Variants in CIDEA observed in about 807,000 individuals in gnomAD.
CIDEA encodes the protein cell death inducing DFFA like effector a.
Under a neutral mutation model 18.2 loss-of-function variants are expected in CIDEA, and 10 were observed. That is an observed-to-expected ratio of 0.55 (90% confidence interval 0.34 to 0.93). CIDEA has a LOEUF of 0.93. Among genes scored for constraint, CIDEA ranks in the 40% least tolerant of loss-of-function variants. The pLI is 0.02. For synonymous variants in CIDEA, 128 were observed against 124.8 expected (o/e 1.03, Z -0.17); for missense variants, 309 against 293.1 (o/e 1.05, Z -0.40).
At chr18:12,254,980 T>C in intron 1 of CIDEA, 1 of 1,193,836 alleles carries the variant, frequency 8.4e-7, no homozygotes, top group East Asian at 5.8e-5. Context: ...GGAGAAGCGC[T>C]CCTCCTTGCC....
At chr18:12,270,396 T>C (rs1912477747) in intron 3 of CIDEA, among the ~76,000 whole-genome samples, 1 of 152,016 alleles carries the variant, frequency 6.6e-6, no homozygotes, top group African/African-American at 2.4e-5. Context: ...ATGTAATCTT[T>C]AATGTAGATG....
chr18:12,269,815 C>T (rs1328972002), intron 3 of CIDEA, among the ~76,000 whole-genome samples: 1 of 152,062 alleles, frequency 6.6e-6, no homozygotes, highest in Non-Finnish European at 1.5e-5. Context: ...CTGCCACCTC[C>T]TCCTCCCAAG....
chr18:12,254,716 A>T, intron 1 of CIDEA: 1 of 1,481,072 alleles, frequency 6.8e-7, no homozygotes. Flanking sequence ...TCTGCAAACC[A>T]GGTGACAGCT....
chr18:12,254,659 C>T (rs1197818955), intron 1 of CIDEA: 4 of 1,525,432 alleles, frequency 2.6e-6, no homozygotes, highest in Non-Finnish European at 3.5e-6. Flanking sequence ...CACCCTCTTG[C>T]AGCTGGGCAC....
At chr18:12,275,976 T>C (rs1402869468) in intron 4 of CIDEA, among the ~76,000 whole-genome samples, 2 of 148,798 alleles carry the variant, frequency 1.3e-5, no homozygotes, top group Non-Finnish European at 3.0e-5. Context: ...CAGTGAAATC[T>C]TTTTTCTTTT....
chr18:12,260,235 T>C (rs1912152621), intron 1 of CIDEA, among the ~76,000 whole-genome samples: 1 of 152,102 alleles, frequency 6.6e-6, no homozygotes, highest in Non-Finnish European at 1.5e-5. Flanking sequence ...GTCACTCTTT[T>C]GCCCAGGCTG....
chr18:12,266,805 G>A (rs980081004), intron 3 of CIDEA, among the ~76,000 whole-genome samples: 15 of 149,744 alleles, frequency 1.0e-4, no homozygotes, highest in Admixed American at 2.0e-4. Flanking sequence ...CTGTTGCCCA[G>A]GCTTGAGTGC....
chr18:12,271,039 C>G (rs933387423), intron 3 of CIDEA, among the ~76,000 whole-genome samples: 1 of 151,484 alleles, frequency 6.6e-6, no homozygotes, highest in Non-Finnish European at 1.5e-5. Context: ...GCTGGGATTA[C>G]AGGCGCCCAC....
At chr18:12,261,121 G>T (rs536375287) in intron 1 of CIDEA, among the ~76,000 whole-genome samples, 1 of 152,282 alleles carries the variant, frequency 6.6e-6, no homozygotes, top group East Asian at 1.9e-4. Flanking sequence ...GCTGGCTCAC[G>T]CCTGAAATCC....
At chr18:12,257,328 G>A (rs1375031995) in intron 1 of CIDEA, among the ~76,000 whole-genome samples, 7 of 152,048 alleles carry the variant, frequency 4.6e-5, no homozygotes, top group African/African-American at 1.4e-4. Context: ...ATATTCCCAG[G>A]CACTATTTTA....
chr18:12,268,436 G>A (rs1318411509), intron 3 of CIDEA, among the ~76,000 whole-genome samples: 1 of 145,926 alleles, frequency 6.9e-6, no homozygotes, highest in African/African-American at 2.6e-5. Context: ...TTGCTCTGTC[G>A]CCCACTCTGG....
At position 12,277,462 on chromosome 18, in the gene CIDEA, G is replaced by C; in HGVS notation, c.*192G>C. On this transcript the variant is annotated 3_prime_UTR_variant, in exon 5 of 5. Transcript: ENST00000320477. ...TGGGGGCAGTGGGCAGGGTGCCCTG[G>C]GGGGGAGGCATAGAGGGCCCTGGGG... 4 of 635,434 alleles carry C rather than the reference G, an allele frequency of 6.3e-6. No homozygotes were observed. Among genetic ancestry groups the C allele is most frequent in the African/African-American group, 2.1e-5 (1 of 47,680 alleles). The allele number at this position is 635,434 out of a possible 1,614,324, so 39.4% of individuals were successfully genotyped here. A position where few individuals can be genotyped will look rare whatever the true frequency, so the allele number is the denominator to read the frequency against.
At chr18:12,268,568 T>C (rs1912426559) in intron 3 of CIDEA, among the ~76,000 whole-genome samples, 1 of 151,586 alleles carries the variant, frequency 6.6e-6, no homozygotes, top group South Asian at 2.1e-4. Context: ...TTGTATCTTC[T>C]TGTAGAGACA....
In CIDEA at chr18:12,272,547, C is replaced by T. The variant is rs181123347; in HGVS notation, c.331-1546C>T. On this transcript the variant is annotated intron_variant, in intron 3 of 4. Coordinates refer to ENST00000320477, the MANE Select transcript of CIDEA (RefSeq NM_001279.4). ...ATTTTTAGTAGAGACGGGGTTTCGC[C>T]ATGTTGACCAGGCTAGTCTCAAACT... is the stretch of plus-strand genomic sequence containing the variant. 1.3e-3 allele frequency among the ~76,000 whole-genome samples: 196 copies of T among 152,174 alleles called. 1 individual carries two copies. Among genetic ancestry groups the T allele is most frequent in the Admixed American group, 2.5e-3 (38 of 15,276 alleles).
At chr18:12,257,974 C>T (rs1041544666) in intron 1 of CIDEA, among the ~76,000 whole-genome samples, 1 of 152,126 alleles carries the variant, frequency 6.6e-6, no homozygotes, top group African/African-American at 2.4e-5. Flanking sequence ...ATAGGCCTGG[C>T]GTGCAGAACA....
At position 12,270,688 on chromosome 18, in the gene CIDEA, C is replaced by CAAAAAAAA. The variant is rs68102741; in HGVS notation, c.331-3384_331-3377dup. Among the ~76,000 whole-genome samples, 534 of 72,800 alleles carry CAAAAAAAA rather than the reference C, an allele frequency of 7.3e-3. 70 individuals are homozygous for CAAAAAAAA. The highest frequency in any genetic ancestry group is 0.029 in the African/African-American group (348 of 11,924). The allele number at this position is 72,800 out of a possible 152,430, so 47.8% of individuals were successfully genotyped here. A position where few individuals can be genotyped will look rare whatever the true frequency, so the allele number is the denominator to read the frequency against. On this transcript the variant is annotated intron_variant, in intron 3 of 4. Coordinates refer to ENST00000320477, the MANE Select transcript of CIDEA (RefSeq NM_001279.4). ...GGCGACAGAGCAAGACTCCGTCTCACAAAAAAAAAAAAAAAAAAAAAAAAA... is the reference window on the plus strand; with the variant it reads ...GGCGACAGAGCAAGACTCCGTCTCACAAAAAAAAAAAAAAAAAAAAAAAAAAAAAAAAA...
At chr18:12,277,016 C>A in intron 4 of CIDEA, 107 bp from the exon 5 acceptor site, 1 of 1,243,280 alleles carries the variant, frequency 8.0e-7, no homozygotes, top group South Asian at 1.4e-5. Flanking sequence ...GTCAGCCTGG[C>A]CTCCTCCGAG....
chr18:12,264,601 T>G (rs1912293906), intron 3 of CIDEA, 148 bp downstream of exon 3: 1 of 604,036 alleles, frequency 1.7e-6, no homozygotes, highest in East Asian at 3.3e-5. Flanking sequence ...TCACCCAGGC[T>G]GGAGTGCAGT....
Position 12,255,642 on chromosome 18 carries a change from C to T in CIDEA, c.38+1221C>T, listed in dbSNP as rs140802589. ...TCTTAGCAGTTTGGAATGCGTCCTT[C>T]CAACCACTTTTCCAGTGAATTCACA... is the stretch of plus-strand genomic sequence containing the variant. On this transcript the variant is annotated intron_variant, in intron 1 of 4. Transcript: ENST00000320477. Among the ~76,000 whole-genome samples, 71 of 152,280 alleles carry T rather than the reference C, an allele frequency of 4.7e-4. 1 individual carries two copies. The South Asian group carries it at 5.6e-3, about 12-fold the overall frequency.
Sources: gnomAD v4.1 joint callset for allele counts (sites outside exome capture counted in the v4.1 genomes callset) on GRCh38, gnomAD v4.1.1 for gene constraint, MANE v1.5 for transcripts, NCBI Gene and HGNC (gene_info 2026-07-23, HGNC 2026-07-21) for gene names.